The following GPR52 variants were observed in gnomAD, a reference collection of about 807,000 sequenced individuals.
GPR52 encodes the protein probable G-protein coupled receptor 52.
A neutral mutation model predicts 24.0 loss-of-function variants in GPR52; 8 were observed. The ratio of observed to expected loss-of-function variants is 0.33; its 90% CI spans 0.20 to 0.60. The LOEUF (loss-of-function observed/expected upper bound fraction) is 0.60. GPR52 is among the 20% of genes least tolerant of loss of function. The pLI is 0.82. For synonymous variants in GPR52, 144 were observed against 158.1 expected (o/e 0.91, Z 0.67); for missense variants, 412 against 447.7 (o/e 0.92, Z 0.72).
chr1:174,448,420 CTA>C lies in GPR52; in HGVS notation c.310_311del (p.Tyr104LeufsTer84). The C allele has an allele frequency of 6.2e-7, 1 of 1,612,514 alleles. No individual in the cohort carries two copies. Among genetic ancestry groups the C allele is most frequent in the Middle Eastern group, 1.7e-4 (1 of 6,056 alleles). ...CLVPTLSLLHYSTGVHESLTC... is the reference protein window; with the variant it reads ...CLVPTLSLLHXSTGVHESLTC... ...TGGTTCCTACTCTGTCACTTCTCCACTACTCCACAGGTGTCCACGAGTCATTG... is the reference window on the plus strand; with the variant it reads ...TGGTTCCTACTCTGTCACTTCTCCACCTCCACAGGTGTCCACGAGTCATTG... On this transcript the variant is annotated frameshift_variant, in exon 1 of 1. Coordinates refer to ENST00000367685, the MANE Select transcript of GPR52 (RefSeq NM_005684.5). LOFTEE classifies it high-confidence loss of function. The surrounding 1 kb of genome is among the most constrained non-coding windows in gnomAD (Gnocchi z 4.2).
In GPR52 at chr1:174,448,803, G is replaced by A. The variant is rs200286780; in HGVS notation, c.692G>A (p.Arg231His). 2.6e-4 allele frequency: 424 copies of A among 1,613,870 alleles called. No homozygotes were observed. Among genetic ancestry groups the A allele is most frequent in the African/African-American group, 7.1e-4 (53 of 74,986 alleles). ...FTYFHIFKIC[R>H]QHTKEINDRR... Reference sequence around the variant, plus strand: ...TACTTCCACATTTTCAAAATTTGCCGTCAGCACACCAAAGAGATAAATGAC... The same window carrying A: ...TACTTCCACATTTTCAAAATTTGCCATCAGCACACCAAAGAGATAAATGAC... The change falls in exon 1 of 1, where the codon CGT becomes CAT. Residue 231 changes from arginine (R) to histidine (H), a missense_variant. Transcript: ENST00000367685. The surrounding 1 kb of genome is among the most constrained non-coding windows in gnomAD (Gnocchi z 4.2).
At position 174,449,175 on chromosome 1, in the gene GPR52, G is replaced by A. The variant is rs1238947697; in HGVS notation, c.1064G>A (p.Arg355Gln). Residue 355 changes from arginine (R) to glutamine (Q), a missense_variant, in exon 1 of 1, where the codon CGG becomes CAG. Physicochemically the swap from Arg to Gln is conservative, Grantham distance 43. Coordinates refer to ENST00000367685, the MANE Select transcript of GPR52 (RefSeq NM_005684.5). The stretch of plus-strand genomic sequence containing the variant: ...GCACAAGAACCCAAACCTAGGAAAC[G>A]GGCTAATTCTTGCTCCATTTGAAGA... ...QEAQEPKPRK[R>Q]ANSCSI is the part of the protein sequence containing the mutation. The A allele has an allele frequency of 1.2e-6, 2 of 1,602,030 alleles. No individual in the cohort carries two copies. The highest frequency in any genetic ancestry group is 2.2e-5 in the East Asian group (1 of 44,820).
rs2149252618 is a variant in GPR52 at position 174,449,074 on chromosome 1, C to T, written c.963C>T (p.Asn321=). 2 of 1,614,088 alleles carry T rather than the reference C, an allele frequency of 1.2e-6. No individual in the cohort carries two copies. Among genetic ancestry groups the T allele is most frequent in the East Asian group, 2.2e-5 (1 of 44,884 alleles). Residue 321 remains asparagine, a synonymous_variant, in exon 1 of 1, where the codon AAC becomes AAT. Coordinates refer to ENST00000367685, the MANE Select transcript of GPR52 (RefSeq NM_005684.5). ...FCNCVIYSLS[N]SVFRLGLRRL... Reference sequence around the variant, plus strand: ...ACTGTGTAATATACAGCCTCTCCAACAGCGTTTTCCGGCTAGGCCTCCGAA... The same window carrying T: ...ACTGTGTAATATACAGCCTCTCCAATAGCGTTTTCCGGCTAGGCCTCCGAA...
rs1385463272 is a variant in GPR52 at position 174,448,336 on chromosome 1, T to C, written c.225T>C (p.Thr75=). Residue 75 remains threonine (T), a synonymous_variant, in exon 1 of 1, where the codon ACT becomes ACC. Transcript: ENST00000367685. The surrounding 1 kb of genome is among the most constrained non-coding windows in gnomAD (Gnocchi z 4.2). ...FHCAPLLHHY[T]TSYFIQTMAY... ...GTGCTCCACTGTTACATCATTATAC[T>C]ACCAGCTATTTCATTCAGACGATGG... is the stretch of plus-strand genomic sequence containing the variant. The C allele has an allele frequency of 1.2e-6, 2 of 1,613,720 alleles. No individual in the cohort carries two copies. Among genetic ancestry groups the C allele is most frequent in the Admixed American group, 1.7e-5 (1 of 60,012 alleles).
At position 174,448,440 on chromosome 1, in the gene GPR52, A is replaced by G; in HGVS notation, c.329A>G (p.Glu110Gly). 6.2e-7 allele frequency: 1 copy of G among 1,613,624 alleles called. No individual in the cohort carries two copies. Among genetic ancestry groups the G allele is most frequent in the Non-Finnish European group, 8.5e-7 (1 of 1,179,578 alleles). The change falls in exon 1 of 1, where the codon GAG becomes GGG. Residue 110 changes from glutamate to glycine, a missense_variant. Transcript: ENST00000367685. This position sits in a 1 kb window ranked among gnomAD's most constrained non-coding sequence, Gnocchi z 4.2. The part of the protein sequence containing the change: ...SLLHYSTGVH[E>G]SLTCQVFGYI... ...CTCCACTACTCCACAGGTGTCCACGAGTCATTGACTTGCCAGGTTTTTGGA... is the reference window on the plus strand; with the variant it reads ...CTCCACTACTCCACAGGTGTCCACGGGTCATTGACTTGCCAGGTTTTTGGA...
chr1:174,448,602 T>C lies in GPR52; in HGVS notation c.491T>C (p.Leu164Ser). ...TPCRLRICII[L>S]IWIYSCLIFL... Reference sequence around the variant, plus strand: ...TGTCGCTTGAGAATTTGCATTATTTTGATCTGGATCTACTCCTGCCTAATT... The same window carrying C: ...TGTCGCTTGAGAATTTGCATTATTTCGATCTGGATCTACTCCTGCCTAATT... Residue 164 changes from leucine (L) to serine (S), a missense_variant, in exon 1 of 1, where the codon TTG (leucine) becomes TCG (serine). Coordinates refer to ENST00000367685, the MANE Select transcript of GPR52 (RefSeq NM_005684.5). This position sits in a 1 kb window ranked among gnomAD's most constrained non-coding sequence, Gnocchi z 4.2. 6.2e-7 allele frequency: 1 copy of C among 1,614,096 alleles called. No homozygotes were observed.
Position 174,448,341 on chromosome 1 carries a change from G to C in GPR52, c.230G>C (p.Ser77Thr). 1.9e-6 allele frequency: 3 copies of C among 1,613,820 alleles called. No individual in the cohort carries two copies. The highest frequency in any genetic ancestry group is 2.5e-6 in the Non-Finnish European group (3 of 1,179,784). Residue 77 changes from serine to threonine, a missense_variant, in exon 1 of 1, where the codon AGC becomes ACC. Ser to Thr is a moderately conservative substitution (Grantham distance 58). Transcript: ENST00000367685. This position sits in a 1 kb window ranked among gnomAD's most constrained non-coding sequence, Gnocchi z 4.2. ...CCACTGTTACATCATTATACTACCA[G>C]CTATTTCATTCAGACGATGGCATAT... ...CAPLLHHYTT[S>T]YFIQTMAYAD... is the part of the protein sequence containing the mutation.
Position 174,449,218 on chromosome 1 carries a change from A to G in GPR52, c.*21A>G, listed in dbSNP as rs747978618. 6.5e-7 allele frequency: 1 copy of G among 1,529,446 alleles called. No homozygotes were observed. The highest frequency in any genetic ancestry group is 2.2e-5 in the Admixed American group (1 of 44,812). The allele number at this position is 1,529,446 out of a possible 1,614,324, so 94.7% of individuals were successfully genotyped here. A position where few individuals can be genotyped will look rare whatever the true frequency, so the allele number is the denominator to read the frequency against. On this transcript the variant is annotated 3_prime_UTR_variant, in exon 1 of 1. Transcript: ENST00000367685. ...TTTGAAGAGAGCTACATAGTAAATC[A>G]AATGTAATCTGACAGTGGTTTTGGA... is the stretch of plus-strand genomic sequence containing the variant.
At position 174,449,394 on chromosome 1, in the gene GPR52, C is replaced by T. The variant is rs539082626; in HGVS notation, c.*197C>T. Among the ~76,000 whole-genome samples, 2 of 152,060 alleles carry T rather than the reference C, an allele frequency of 1.3e-5. No individual in the cohort carries two copies. The highest frequency in any genetic ancestry group is 4.1e-4 in the South Asian group (2 of 4,824). ...GGGAAGGATGTATAGAGGGTTAGCT[C>T]ATGAAATAATTATAGCATGTGAGTA... On this transcript the variant is annotated 3_prime_UTR_variant, in exon 1 of 1. Transcript: ENST00000367685.
At position 174,448,226 on chromosome 1, in the gene GPR52, G is replaced by A; in HGVS notation, c.115G>A (p.Val39Ile). Residue 39 changes from valine (V) to isoleucine (I), a missense_variant, in exon 1 of 1, where the codon GTC (valine) becomes ATC (isoleucine). Physicochemically the swap from Val to Ile is conservative, Grantham distance 29. Coordinates refer to ENST00000367685, the MANE Select transcript of GPR52 (RefSeq NM_005684.5). This position sits in a 1 kb window ranked among gnomAD's most constrained non-coding sequence, Gnocchi z 4.2. Reference sequence around the variant, plus strand: ...ATTTGGCCACTACAGTGTGGTGGATGTCTGCATCTTCGAGACAGTGGTTAT... The same window carrying A: ...ATTTGGCCACTACAGTGTGGTGGATATCTGCATCTTCGAGACAGTGGTTAT... The part of the protein sequence containing the change: ...LGFGHYSVVD[V>I]CIFETVVIVL... 6.2e-7 allele frequency: 1 copy of A among 1,613,976 alleles called. No individual in the cohort carries two copies. The highest frequency in any genetic ancestry group is 2.2e-5 in the East Asian group (1 of 44,878).
rs756971614 is a variant in GPR52, at chr1:174,448,900, C to T, written c.789C>T (p.Tyr263=). 4 of 1,613,116 alleles carry T rather than the reference C, an allele frequency of 2.5e-6. No homozygotes were observed. The highest frequency in any genetic ancestry group is 1.7e-5 in the Admixed American group (1 of 59,992). ...CTGGACACAGCCCTGACCGTCGCTA[C>T]GCCATGGTTTTGTTTAGGATAACCA... is the stretch of plus-strand genomic sequence containing the variant. ...RETGHSPDRR[Y]AMVLFRITSV... The change falls in exon 1 of 1, where the codon TAC becomes TAT. Residue 263 remains tyrosine (Y), a synonymous_variant. Transcript: ENST00000367685. The surrounding 1 kb of genome is among the most constrained non-coding windows in gnomAD (Gnocchi z 4.2).
At position 174,448,726 on chromosome 1, in the gene GPR52, C is replaced by T; in HGVS notation, c.615C>T (p.Gly205=). 6.2e-7 allele frequency: 1 copy of T among 1,613,872 alleles called. No individual in the cohort carries two copies. The highest frequency in any genetic ancestry group is 8.5e-7 in the Non-Finnish European group (1 of 1,179,818). The stretch of plus-strand genomic sequence containing the variant: ...GGCTCACCAGTGCCTATTTTACTGG[C>T]TTTATTGTTTGTTTACTTTATGCTC... The part of the protein sequence containing the change: ...TSWLTSAYFT[G]FIVCLLYAPA... The change falls in exon 1 of 1, where the codon GGC becomes GGT. Residue 205 remains glycine, a synonymous_variant. Transcript: ENST00000367685. This position sits in a 1 kb window ranked among gnomAD's most constrained non-coding sequence, Gnocchi z 4.2.
Position 174,448,311 on chromosome 1 carries a change from G to T in GPR52, c.200G>T (p.Cys67Phe). 1 of 1,613,102 alleles carries T rather than the reference G, an allele frequency of 6.2e-7. No homozygotes were observed. ...GNLTVIFVFHCAPLLHHYTTS... is the reference protein window; with the variant it reads ...GNLTVIFVFHFAPLLHHYTTS... ...CTAACAGTTATCTTTGTCTTTCATT[G>T]TGCTCCACTGTTACATCATTATACT... The change falls in exon 1 of 1, where the codon TGT becomes TTT. Residue 67 changes from cysteine to phenylalanine, a missense_variant. By Grantham distance (205) the Cys-to-Phe change is radical (BLOSUM62 -2). Transcript: ENST00000367685. This position sits in a 1 kb window ranked among gnomAD's most constrained non-coding sequence, Gnocchi z 4.2.
rs201813592 is a variant in GPR52, at chr1:174,448,695, C to T, written c.584C>T (p.Thr195Met). 103 of 1,613,302 alleles carry T rather than the reference C, an allele frequency of 6.4e-5. No individual in the cohort carries two copies. Among genetic ancestry groups the T allele is most frequent in the Admixed American group, 4.5e-4 (27 of 59,992 alleles). ...YHGDIFEWCATSWLTSAYFTG... is the reference protein window; with the variant it reads ...YHGDIFEWCAMSWLTSAYFTG... ...GGTGACATTTTTGAATGGTGTGCCA[C>T]GTCTTGGCTCACCAGTGCCTATTTT... Residue 195 changes from threonine to methionine, a missense_variant, in exon 1 of 1, where the codon ACG becomes ATG. Transcript: ENST00000367685. This position sits in a 1 kb window ranked among gnomAD's most constrained non-coding sequence, Gnocchi z 4.2.
Position 174,449,019 on chromosome 1 carries a change from C to T in GPR52, c.908C>T (p.Thr303Ile). The T allele has an allele frequency of 1.2e-6, 2 of 1,613,672 alleles. No homozygotes were observed. Among genetic ancestry groups the T allele is most frequent in the South Asian group, 1.1e-5 (1 of 91,066 alleles). Reference sequence around the variant, plus strand: ...AATCCAACTCTGTCCTTCTTAACAACCTGGCTTGCAATAAGTAATAGTTTT... The same window carrying T: ...AATCCAACTCTGTCCTTCTTAACAATCTGGCTTGCAATAAGTAATAGTTTT... ...LDNPTLSFLT[T>I]WLAISNSFCN... The change falls in exon 1 of 1, where the codon ACC becomes ATC. Residue 303 changes from threonine to isoleucine, a missense_variant. By Grantham distance (89) the Thr-to-Ile change is moderately conservative. Coordinates refer to ENST00000367685, the MANE Select transcript of GPR52 (RefSeq NM_005684.5).
Position 174,449,213 on chromosome 1 carries a change from A to G in GPR52, c.*16A>G, listed in dbSNP as rs1655150328. ...CTCCATTTGAAGAGAGCTACATAGT[A>G]AATCAAATGTAATCTGACAGTGGTT... On this transcript the variant is annotated 3_prime_UTR_variant, in exon 1 of 1. Coordinates refer to ENST00000367685, the MANE Select transcript of GPR52 (RefSeq NM_005684.5). The G allele has an allele frequency of 1.3e-6, 2 of 1,537,202 alleles. No homozygotes were observed. Among genetic ancestry groups the G allele is most frequent in the Non-Finnish European group, 1.7e-6 (2 of 1,146,256 alleles).
At position 174,448,373 on chromosome 1, in the gene GPR52, C is replaced by A. The variant is rs1052750032; in HGVS notation, c.262C>A (p.Leu88Ile). The A allele has an allele frequency of 6.2e-7, 1 of 1,613,810 alleles. No homozygotes were observed. Among genetic ancestry groups the A allele is most frequent in the East Asian group, 2.2e-5 (1 of 44,874 alleles). ...YFIQTMAYAD[L>I]FVGVSCLVPT... is the part of the protein sequence containing the mutation. The stretch of plus-strand genomic sequence containing the variant: ...CATTCAGACGATGGCATATGCTGAT[C>A]TTTTCGTTGGAGTTAGCTGCTTGGT... Residue 88 changes from leucine (L) to isoleucine (I), a missense_variant, in exon 1 of 1, where the codon CTT (leucine) becomes ATT (isoleucine). Transcript: ENST00000367685. The surrounding 1 kb of genome is among the most constrained non-coding windows in gnomAD (Gnocchi z 4.2).
In GPR52 at chr1:174,448,523, G is replaced by T. The variant is rs760528036; in HGVS notation, c.412G>T (p.Asp138Tyr). Residue 138 changes from aspartate to tyrosine, a missense_variant, in exon 1 of 1, where the codon GAT becomes TAT. Coordinates refer to ENST00000367685, the MANE Select transcript of GPR52 (RefSeq NM_005684.5). This position sits in a 1 kb window ranked among gnomAD's most constrained non-coding sequence, Gnocchi z 4.2. ...GGCATGTCTTGCTTGCATCAGTGTG[G>T]ATCGTTATCTTGCAATAACCAAGCC... ...SMACLACISV[D>Y]RYLAITKPLS... 3.1e-6 allele frequency: 5 copies of T among 1,612,198 alleles called. No homozygotes were observed. The Admixed American group carries it at 8.3e-5, about 27-fold the overall frequency.
Position 174,448,426 on chromosome 1 carries a change from C to T in GPR52, c.315C>T (p.Ser105=), listed in dbSNP as rs533324072. Residue 105 remains serine (S), a synonymous_variant, in exon 1 of 1, where the codon TCC becomes TCT. Transcript: ENST00000367685. This position sits in a 1 kb window ranked among gnomAD's most constrained non-coding sequence, Gnocchi z 4.2. The part of the protein sequence containing the change: ...LVPTLSLLHY[S]TGVHESLTCQ... ...CTACTCTGTCACTTCTCCACTACTC[C>T]ACAGGTGTCCACGAGTCATTGACTT... 1 of 1,612,998 alleles carries T rather than the reference C, an allele frequency of 6.2e-7. No homozygotes were observed. The highest frequency in any genetic ancestry group is 1.1e-5 in the South Asian group (1 of 91,050).
Sources: gnomAD v4.1 joint callset for allele counts (sites outside exome capture counted in the v4.1 genomes callset) on GRCh38, gnomAD v4.1.1 for gene constraint, Gnocchi (gnomAD v3.1) non-coding constraint, MANE v1.5 for transcripts, NCBI Gene and HGNC (gene_info 2026-07-23, HGNC 2026-07-21) for gene names.